Variants in LCN1 observed in about 807,000 individuals in gnomAD.
The protein encoded by LCN1 is lipocalin 1.
Under a neutral mutation model 22.3 loss-of-function variants are expected in LCN1, and 25 were observed. That is an observed-to-expected ratio of 1.12 (90% CI 0.82 to 1.56). The LOEUF (loss-of-function observed/expected upper bound fraction) is 1.56. LCN1 is among the 40% of genes most tolerant of loss of function. The pLI, the probability that LCN1 is intolerant of heterozygous loss-of-function variation, is 0.00. For missense variants in LCN1, 219 were observed against 235.6 expected (o/e 0.93, Z 0.46); for synonymous variants, 85 against 97.6 (o/e 0.87, Z 0.76).
At chr9:135,525,956 G>A (rs1831633651) in intron 6 of LCN1, among the ~76,000 whole-genome samples, 1 of 90,122 alleles carries the variant, frequency 1.1e-5, no homozygotes, top group African/African-American at 4.6e-5. Flanking sequence ...CATCGCCCCC[G>A]AGAGCCCGCA....
At chr9:135,524,984 CA>C in intron 5 of LCN1, 53 bp downstream of exon 5, 1 of 1,555,520 alleles carries the variant, frequency 6.4e-7, no homozygotes, top group South Asian at 1.1e-5. Context: ...GGGACATCAG[CA>C]GAGCTGCATT....
In LCN1 at chr9:135,525,142, T is replaced by G. The variant is rs777008068; in HGVS notation, c.516T>G (p.Ser172=). 1.5e-5 allele frequency: 25 copies of G among 1,613,712 alleles called. No homozygotes were observed. Among genetic ancestry groups the G allele is most frequent in the Non-Finnish European group, 2.1e-5 (25 of 1,179,768 alleles). ...ILIPRQSETC[S]PGSD is the part of the protein sequence containing the mutation. ...TTCCTTTTCCTGCAGAAACCTGCTC[T>G]CCAGGGAGCGATTAGGGTGAGTGAA... The change falls in exon 6 of 7, where the codon TCT becomes TCG. Residue 172 remains serine, a synonymous_variant. Coordinates refer to ENST00000371781, the MANE Select transcript of LCN1 (RefSeq NM_002297.4).
Position 135,526,528 on chromosome 9 carries a change from C to T in LCN1, c.*186C>T, listed in dbSNP as rs1434392112. 4.9e-6 allele frequency: 6 copies of T among 1,227,988 alleles called. No individual in the cohort carries two copies. Among genetic ancestry groups the T allele is most frequent in the Non-Finnish European group, 6.3e-6 (6 of 952,452 alleles). 76.1% of individuals were successfully genotyped at this position (1,227,988 alleles called of 1,614,324 possible). A position where few individuals can be genotyped will look rare whatever the true frequency, so the allele number is the denominator to read the frequency against. ...CCTGGTTCTCCATAAAGAGCTTCAG[C>T]AGTTCCCAGTGACTCCGCCTGTCTG... On this transcript the variant is annotated 3_prime_UTR_variant, in exon 7 of 7. Transcript: ENST00000371781.
At chr9:135,522,273 A>G in intron 2 of LCN1, 96 bp downstream of exon 2, 1 of 1,455,050 alleles carries the variant, frequency 6.9e-7, no homozygotes, top group East Asian at 2.5e-5. Flanking sequence ...AGGTGGGCAG[A>G]CCTGCTGGGA....
chr9:135,526,313 C>T, intron 6 of LCN1, 31 bp from the exon 7 acceptor site: 1 of 1,184,390 alleles, frequency 8.4e-7, no homozygotes, highest in Non-Finnish European at 1.1e-6. Context: ...CCTTGCTGTC[C>T]TGGCCTCACT....
At position 135,523,281 on chromosome 9, in the gene LCN1, G is replaced by A. The variant is rs146192526; in HGVS notation, c.271G>A (p.Glu91Lys). 23 of 1,612,984 alleles carry A rather than the reference G, an allele frequency of 1.4e-5. No homozygotes were observed. The highest frequency in any genetic ancestry group is 1.8e-4 in the Middle Eastern group (1 of 5,620). ...GAAGGCCGTCCTGGAGAAAACTGAC[G>A]AGCCGGGAAAATACACGGCCGGTGA... is the stretch of plus-strand genomic sequence containing the variant. ...EVKAVLEKTDEPGKYTADGGK... is the reference protein window; with the variant it reads ...EVKAVLEKTDKPGKYTADGGK... Residue 91 changes from glutamate to lysine, a missense_variant, in exon 3 of 7, where the codon GAG becomes AAG. Coordinates refer to ENST00000371781, the MANE Select transcript of LCN1 (RefSeq NM_002297.4).
rs1212504768 is a variant in LCN1 at position 135,524,813 on chromosome 9, C to T, written c.404-17C>T. On this transcript the variant is annotated splice_polypyrimidine_tract_variant and intron_variant, in intron 4 of 6. Coordinates refer to ENST00000371781, the MANE Select transcript of LCN1 (RefSeq NM_002297.4). Reference sequence around the variant, plus strand: ...AGTGCTGCCTCGAGCACCCACATCTCGTCCTGGCACCCACAGGCAGAGACC... The same window carrying T: ...AGTGCTGCCTCGAGCACCCACATCTTGTCCTGGCACCCACAGGCAGAGACC... The T allele has an allele frequency of 7.6e-6, 12 of 1,582,508 alleles. No homozygotes were observed. Among genetic ancestry groups the T allele is most frequent in the Admixed American group, 1.8e-5 (1 of 55,896 alleles).
At position 135,523,359 on chromosome 9, in the gene LCN1, G is replaced by C. The variant is rs1831548586; in HGVS notation, c.292+57G>C. On this transcript the variant is annotated intron_variant, in intron 3 of 6. Transcript: ENST00000371781. ...CTTGAACACACGCTGGATGTGCGGG[G>C]GCAGCCAGTGCCTTTTTGGGGTGGC... is the stretch of plus-strand genomic sequence containing the variant. 2.0e-6 allele frequency: 3 copies of C among 1,510,330 alleles called. No homozygotes were observed. In the East Asian group the frequency reaches 7.0e-5, roughly 35 times the overall value. The allele number at this position is 1,510,330 out of a possible 1,614,324, so 93.6% of individuals were successfully genotyped here.
intron 2 of LCN1, 39 bp downstream of exon 2, chr9:135,522,216 G>A (rs1421499515): frequency 6.3e-7 from 1 of 1,590,018 alleles, no homozygotes; most frequent in Non-Finnish European, 8.6e-7. Flanking sequence ...CTGCAACCTG[G>A]TCTAGGGCCT....
chr9:135,526,319 T>A, intron 6 of LCN1, 25 bp from the exon 7 acceptor site: 1 of 1,028,306 alleles, frequency 9.7e-7, no homozygotes, highest in Non-Finnish European at 1.2e-6. Flanking sequence ...TGTCCTGGCC[T>A]CACTCACCCT....
At chr9:135,522,373 C>T (rs187515008) in intron 2 of LCN1, among the ~76,000 whole-genome samples, 196 bp downstream of exon 2, 2 of 152,220 alleles carry the variant, frequency 1.3e-5, no homozygotes, top group East Asian at 1.9e-4. Flanking sequence ...GCAGAGGCCC[C>T]GGATCAGACC....
rs764017490 is a variant in LCN1 at position 135,524,891 on chromosome 9, C to A, written c.465C>A (p.Arg155=). The A allele has an allele frequency of 3.7e-6, 6 of 1,607,882 alleles. No homozygotes were observed. Among genetic ancestry groups the A allele is most frequent in the African/African-American group, 2.7e-5 (2 of 74,688 alleles). Residue 155 remains arginine (R), a synonymous_variant, in exon 5 of 7, where the codon CGC becomes CGA. Coordinates refer to ENST00000371781, the MANE Select transcript of LCN1 (RefSeq NM_002297.4). ...ACTTTGAGAAAGCCGCAGGAGCCCGCGGACTCAGCACGGAGAGCATCCTCA... is the reference window on the plus strand; with the variant it reads ...ACTTTGAGAAAGCCGCAGGAGCCCGAGGACTCAGCACGGAGAGCATCCTCA... ...LEDFEKAAGA[R]GLSTESILIP... is the part of the protein sequence containing the mutation.
intron 3 of LCN1, among the ~76,000 whole-genome samples, chr9:135,523,513 G>A (rs911466136): frequency 2.0e-5 from 3 of 152,208 alleles, no homozygotes; most frequent in Non-Finnish European, 4.4e-5. Flanking sequence ...GGTTTGTCCC[G>A]GGGCGGACCC....
intron 6 of LCN1, among the ~76,000 whole-genome samples, chr9:135,525,964 G>T (rs1056797279): frequency 5.7e-5 from 6 of 105,964 alleles, no homozygotes; most frequent in Non-Finnish European, 1.1e-4. Flanking sequence ...CCGAGAGCCC[G>T]CATGTGCCTT....
rs754807646 is a variant in LCN1, at chr9:135,522,162, C to G, written c.206C>G (p.Ala69Gly). ...ACCCTGGAAGGGGGCAACCTGGAAGCCAAGGTCACCATGCTGTGAGTGTCT... is the reference window on the plus strand; with the variant it reads ...ACCCTGGAAGGGGGCAACCTGGAAGGCAAGGTCACCATGCTGTGAGTGTCT... Reference protein sequence around the residue: ...LTTLEGGNLEAKVTMLISGRC... With the variant: ...LTTLEGGNLEGKVTMLISGRC... Residue 69 changes from alanine (A) to glycine (G), a missense_variant, in exon 2 of 7, where the codon GCC becomes GGC. Ala to Gly is a moderately conservative substitution (Grantham distance 60). Coordinates refer to ENST00000371781, the MANE Select transcript of LCN1 (RefSeq NM_002297.4). 1 of 1,605,382 alleles carries G rather than the reference C, an allele frequency of 6.2e-7. No individual in the cohort carries two copies. The highest frequency in any genetic ancestry group is 8.5e-7 in the Non-Finnish European group (1 of 1,176,060).
intron 1 of LCN1, 147 bp downstream of exon 1, chr9:135,521,734 C>A: frequency 1.3e-6 from 1 of 749,052 alleles, no homozygotes; most frequent in African/African-American, 1.8e-5. Context: ...TGGGATGGGG[C>A]AGCAGGGGTC....
At chr9:135,523,401 C>T (rs562691300) in intron 3 of LCN1, 99 bp downstream of exon 3, 4 of 1,022,600 alleles carry the variant, frequency 3.9e-6, no homozygotes, top group Non-Finnish European at 4.3e-6. Flanking sequence ...GCCTGGGAAG[C>T]CTTTTGCTGC....
At position 135,525,122 on chromosome 9, in the gene LCN1, T is replaced by C. The variant is rs199664814; in HGVS notation, c.506-10T>C. 6.2e-7 allele frequency: 1 copy of C among 1,613,424 alleles called. No homozygotes were observed. The highest frequency in any genetic ancestry group is 8.5e-7 in the Non-Finnish European group (1 of 1,179,664). ...GGGTCTCCTAACGCCTGTGCTTCCTTTTCCTGCAGAAACCTGCTCTCCAGG... is the reference window on the plus strand; with the variant it reads ...GGGTCTCCTAACGCCTGTGCTTCCTCTTCCTGCAGAAACCTGCTCTCCAGG... On this transcript the variant is annotated splice_polypyrimidine_tract_variant and intron_variant, in intron 5 of 6. Transcript: ENST00000371781.
chr9:135,524,071 A>G (rs1831568917), intron 4 of LCN1, 81 bp downstream of exon 4: 1 of 1,065,964 alleles, frequency 9.4e-7, no homozygotes. Context: ...CCTCTTCCCC[A>G]TGGGAGAAGC....
Sources: allele counts gnomAD v4.1 joint callset (sites outside exome capture counted in the v4.1 genomes callset), GRCh38; gene constraint gnomAD v4.1.1; transcripts MANE v1.5; gene names NCBI Gene and HGNC (gene_info 2026-07-23, HGNC 2026-07-21).